SLC9C1: variants seen among roughly 807,000 people sequenced by gnomAD.
SLC9C1 encodes sodium/hydrogen exchanger 10.
In SLC9C1, 97 loss-of-function variants were observed where a neutral mutation model predicts 140.9. That is an observed-to-expected ratio of 0.69 (90% confidence interval 0.58 to 0.82). The LOEUF (loss-of-function observed/expected upper bound fraction) is 0.82, where lower values mean the gene tolerates loss of function less well. Among genes scored for constraint, SLC9C1 ranks in the 40% least tolerant of loss-of-function variants. The probability of loss-of-function intolerance (pLI) is 0.00; values close to 1 mark genes in which losing one functional copy is unlikely to be tolerated. For synonymous variants in SLC9C1, 440 were observed against 442.6 expected, an observed-to-expected ratio of 0.99 and a Z score of 0.07; for missense variants, 1,340 against 1,389.3, an observed-to-expected ratio of 0.96 and a Z score of 0.56.
At chr3:112,262,745 A>G (rs1209614366) in intron 10 of SLC9C1, among the ~76,000 whole-genome samples, 179 bp downstream of exon 10, 1 of 151,826 alleles carries the variant, frequency 6.6e-6, no homozygotes, top group Admixed American at 6.6e-5. Flanking sequence ...TAATAAACCT[A>G]TTTCAGGGGA....
intron 7 of SLC9C1, among the ~76,000 whole-genome samples, chr3:112,268,087 A>G (rs1431392563): frequency 6.6e-6 from 1 of 152,226 alleles, no homozygotes. Context: ...TTCCTTAAGT[A>G]TAACCTTTAA....
chr3:112,203,678 G>A (rs1003081252), intron 17 of SLC9C1, among the ~76,000 whole-genome samples: 1 of 151,842 alleles, frequency 6.6e-6, no homozygotes, highest in Non-Finnish European at 1.5e-5. Context: ...TATTTGTGGA[G>A]GAGTGAGTTT....
At chr3:112,288,001 C>CCACTG (rs1318835707) in intron 1 of SLC9C1, among the ~76,000 whole-genome samples, 2 of 143,848 alleles carry the variant, frequency 1.4e-5, no homozygotes, top group African/African-American at 5.2e-5. Flanking sequence ...CGAGATCGTG[C>CCACTG]CACTGCACTC....
At chr3:112,218,375 AC>A (rs2078445409) in intron 14 of SLC9C1, among the ~76,000 whole-genome samples, 1 of 152,118 alleles carries the variant, frequency 6.6e-6, no homozygotes, top group Admixed American at 6.5e-5. Context: ...GGCATTGGAA[AC>A]CCAAGTTCAA....
chr3:112,199,694 T>C (rs547482428), intron 19 of SLC9C1, among the ~76,000 whole-genome samples: 1 of 152,134 alleles, frequency 6.6e-6, no homozygotes, highest in African/African-American at 2.4e-5. Flanking sequence ...CCCAAGTCCA[T>C]GGAGAAGGAT....
chr3:112,147,271 G>C (rs377439697), intron 28 of SLC9C1, among the ~76,000 whole-genome samples: 32 of 152,248 alleles, frequency 2.1e-4, no homozygotes, highest in African/African-American at 7.7e-4. Context: ...ACGTGGGGGT[G>C]TTTACACCAT....
chr3:112,190,643 T>C (rs2077639114), intron 20 of SLC9C1, among the ~76,000 whole-genome samples: 1 of 152,194 alleles, frequency 6.6e-6, no homozygotes. Flanking sequence ...AAGAAAATAC[T>C]TCTATTCTTT....
chr3:112,179,255 A>C (rs1161118322), intron 23 of SLC9C1, among the ~76,000 whole-genome samples: 1 of 152,144 alleles, frequency 6.6e-6, no homozygotes, highest in Non-Finnish European at 1.5e-5. Flanking sequence ...ATTGACAATT[A>C]ACATATGTTA....
intron 15 of SLC9C1, among the ~76,000 whole-genome samples, chr3:112,211,265 C>T (rs747787440): frequency 3.3e-5 from 5 of 152,232 alleles, no homozygotes; most frequent in Non-Finnish European, 5.9e-5. Context: ...CTCCAGTCTA[C>T]AGCTCCCAAC....
intron 20 of SLC9C1, among the ~76,000 whole-genome samples, chr3:112,184,368 T>G (rs2077492878): frequency 8.8e-6 from 1 of 113,544 alleles, no homozygotes; most frequent in Non-Finnish European, 1.8e-5. Flanking sequence ...CCAGGTGCGG[T>G]GGCTCATGCC....
chr3:112,151,404 T>C (rs771256655), intron 28 of SLC9C1: 1 of 519,100 alleles, frequency 1.9e-6, no homozygotes, highest in East Asian at 5.4e-5. Context: ...ATTTCTCTCT[T>C]GAATTCCTTT....
chr3:112,198,187 G>A lies in SLC9C1; in HGVS notation c.2523+1134C>T, dbSNP rs62277479. 4.0e-3 allele frequency among the ~76,000 whole-genome samples: 607 copies of A among 151,836 alleles called. 1 individual carries two copies. The highest frequency in any genetic ancestry group is 6.8e-3 in the Middle Eastern group (2 of 294). On this transcript the variant is annotated intron_variant, in intron 20 of 28. Transcript: ENST00000305815. ...ATAGGTGTTATGTATTTTATATTAG[G>A]TTCATAGATAAGAATTTAGAGTTTC...
intron 13 of SLC9C1, among the ~76,000 whole-genome samples, chr3:112,223,121 C>G (rs1055529026): frequency 7.1e-4 from 108 of 151,968 alleles, no homozygotes; most frequent in African/African-American, 2.5e-3. Context: ...CTATAAAAGG[C>G]TTCTTGTTTA....
chr3:112,277,551 G>C, intron 5 of SLC9C1, 144 bp downstream of exon 5: 1 of 645,694 alleles, frequency 1.5e-6, no homozygotes, highest in South Asian at 4.1e-5. Flanking sequence ...ATGACCTCCA[G>C]AATCTCTGCT....
chr3:112,293,307 T>C (rs2108384663), intron 1 of SLC9C1, among the ~76,000 whole-genome samples: 1 of 151,888 alleles, frequency 6.6e-6, no homozygotes, highest in East Asian at 1.9e-4. Flanking sequence ...TCTCTCATGT[T>C]AGCTAATATC....
intron 9 of SLC9C1, among the ~76,000 whole-genome samples, chr3:112,263,922 A>T (rs2079845307): frequency 6.6e-6 from 1 of 151,856 alleles, no homozygotes. Context: ...TTTATTTATA[A>T]TAGGTACTTA....
At chr3:112,290,284 A>G (rs1323421357) in intron 1 of SLC9C1, among the ~76,000 whole-genome samples, 1 of 152,216 alleles carries the variant, frequency 6.6e-6, no homozygotes, top group Non-Finnish European at 1.5e-5. Context: ...TTGTTTTCCA[A>G]ACTAAGAATA....
chr3:112,176,392 C>G (rs957439278), intron 23 of SLC9C1, among the ~76,000 whole-genome samples: 2 of 152,186 alleles, frequency 1.3e-5, no homozygotes, highest in African/African-American at 4.8e-5. Flanking sequence ...CTTGCCCCTT[C>G]CATCCCTCTC....
chr3:112,170,381 T>C (rs1031349154), intron 23 of SLC9C1, among the ~76,000 whole-genome samples: 4 of 152,204 alleles, frequency 2.6e-5, no homozygotes, highest in African/African-American at 9.6e-5. Context: ...TGATTAATGA[T>C]TTTGAACATT....
Sources: allele counts gnomAD v4.1 joint callset (sites outside exome capture counted in the v4.1 genomes callset), GRCh38; gene constraint gnomAD v4.1.1; transcripts MANE v1.5; gene names NCBI Gene and HGNC (gene_info 2026-07-23, HGNC 2026-07-21).